USH2A: variants seen among roughly 807,000 people sequenced by gnomAD.
The protein encoded by USH2A is Usher syndrome 2A (autosomal recessive, mild).
A neutral mutation model predicts 538.9 loss-of-function variants in USH2A; 443 were observed. The observed-to-expected ratio is 0.82, with a 90% CI of 0.76 to 0.89. USH2A has a LOEUF of 0.89. Ranked by LOEUF, USH2A falls within the 40% of genes least tolerant of loss-of-function variation. The pLI is 0.00. For missense variants in USH2A, 6,633 were observed against 6,324.8 expected, an observed-to-expected ratio of 1.05 and a Z score of -1.65; for synonymous variants, 2,413 against 2,273.5, an observed-to-expected ratio of 1.06 and a Z score of -1.75.
intron 3 of USH2A, among the ~76,000 whole-genome samples, chr1:216,414,513 A>T (rs935878214): frequency 1.1e-4 from 17 of 151,874 alleles, no homozygotes; most frequent in East Asian, 3.9e-4. Context: ...ATTTAAAATA[A>T]TTTTTTTTCT....
intron 11 of USH2A, among the ~76,000 whole-genome samples, chr1:216,270,702 T>C (rs536727552): frequency 7.9e-4 from 87 of 109,636 alleles, no homozygotes; most frequent in African/African-American, 2.4e-3. Flanking sequence ...TAATTTTCAT[T>C]CATTCCAATT....
chr1:215,749,823 C>G (rs1660573513), intron 58 of USH2A, among the ~76,000 whole-genome samples: 2 of 152,126 alleles, frequency 1.3e-5, no homozygotes, highest in South Asian at 4.1e-4. Flanking sequence ...TTTTCTTGTT[C>G]ACTAAAGAAC....
intron 50 of USH2A, 133 bp downstream of exon 50, chr1:215,798,774 G>T: frequency 9.8e-7 from 1 of 1,017,294 alleles, no homozygotes; most frequent in Non-Finnish European, 1.5e-6. Flanking sequence ...TAAACAATAT[G>T]TTCCTAATTA....
chr1:216,398,088 C>A (rs760268787), intron 3 of USH2A, among the ~76,000 whole-genome samples: 5 of 152,136 alleles, frequency 3.3e-5, no homozygotes, highest in Non-Finnish European at 7.3e-5. Flanking sequence ...ACAATTTTAG[C>A]CAATATACTT....
At chr1:216,404,768 A>C (rs2102765077) in intron 3 of USH2A, among the ~76,000 whole-genome samples, 1 of 151,824 alleles carries the variant, frequency 6.6e-6, no homozygotes, top group East Asian at 1.9e-4. Context: ...CTACAGGTGC[A>C]CTCCACTATG....
At chr1:215,751,018 T>C (rs1019586393) in intron 58 of USH2A, among the ~76,000 whole-genome samples, 1 of 152,146 alleles carries the variant, frequency 6.6e-6, no homozygotes, top group Non-Finnish European at 1.5e-5. Flanking sequence ...TCCTTGTCAT[T>C]TGGTTATTGC....
chr1:215,783,026 TAAAA>T, intron 52 of USH2A, 91 bp from the exon 53 acceptor site: 8 of 1,238,442 alleles, frequency 6.5e-6, no homozygotes, highest in Non-Finnish European at 9.0e-6. Context: ...TTTAGACATT[TAAAA>T]ATAAATGTTT....
intron 37 of USH2A, among the ~76,000 whole-genome samples, chr1:215,949,059 T>G (rs1666845295): frequency 6.6e-6 from 1 of 152,142 alleles, no homozygotes; most frequent in Non-Finnish European, 1.5e-5. Flanking sequence ...CTGTGTATTT[T>G]CTGTCTTCCT....
At chr1:215,844,598 G>T in intron 45 of USH2A, 102 bp from the exon 46 acceptor site, 3 of 1,208,282 alleles carry the variant, frequency 2.5e-6, no homozygotes, top group Admixed American at 1.9e-5. Context: ...AGGGTTCCTC[G>T]CTTATCTGCT....
intron 6 of USH2A, among the ~76,000 whole-genome samples, chr1:216,324,704 A>G (rs1246110403): frequency 1.3e-5 from 2 of 152,196 alleles, no homozygotes; most frequent in Non-Finnish European, 2.9e-5. Context: ...ATTATTTTCA[A>G]CATTTCATAA....
chr1:215,934,886 C>A lies in USH2A; in HGVS notation c.7121-91G>T, dbSNP rs188408090. The A allele has an allele frequency of 2.2e-4, 275 of 1,257,926 alleles. No homozygotes were observed. The African/African-American group carries it at 3.7e-3, about 17-fold the overall frequency. The allele number at this position is 1,257,926 out of a possible 1,614,324, so 77.9% of individuals were successfully genotyped here. On this transcript the variant is annotated intron_variant, in intron 37 of 71. Coordinates refer to ENST00000307340, the MANE Select transcript of USH2A (RefSeq NM_206933.4). The stretch of plus-strand genomic sequence containing the variant: ...GTATTTTCTTGAGTTTCTAAATATA[C>A]TGTACCAAATAGGTCTGTAACTTTA...
At chr1:215,685,419 G>T (rs192207120) in intron 61 of USH2A, among the ~76,000 whole-genome samples, 2 of 150,444 alleles carry the variant, frequency 1.3e-5, no homozygotes, top group South Asian at 2.1e-4. Context: ...GTACAATGGC[G>T]CAATCTCAGC....
chr1:216,329,972 A>T (rs1173689489), intron 4 of USH2A, among the ~76,000 whole-genome samples: 3 of 152,140 alleles, frequency 2.0e-5, no homozygotes, highest in Non-Finnish European at 2.9e-5. Context: ...AATATTTTAT[A>T]TAACCTCTAG....
intron 9 of USH2A, among the ~76,000 whole-genome samples, chr1:216,306,883 A>G (rs1013906119): frequency 6.6e-6 from 1 of 152,194 alleles, no homozygotes; most frequent in Non-Finnish European, 1.5e-5. Flanking sequence ...TGATATGATC[A>G]GTCTTCAGGT....
chr1:216,110,702 G>A (rs1167954821), intron 21 of USH2A, among the ~76,000 whole-genome samples: 1 of 152,158 alleles, frequency 6.6e-6, no homozygotes, highest in Non-Finnish European at 1.5e-5. Context: ...GATTAATTTT[G>A]TTGAAATGAG....
intron 26 of USH2A, 108 bp downstream of exon 26, chr1:216,083,348 T>G: frequency 3.2e-6 from 4 of 1,267,866 alleles, no homozygotes; most frequent in Non-Finnish European, 4.4e-6. Flanking sequence ...TGAACAAATG[T>G]GAATTTGTAA....
At chr1:215,705,183 A>G (rs1454767382) in intron 61 of USH2A, among the ~76,000 whole-genome samples, 2 of 152,260 alleles carry the variant, frequency 1.3e-5, no homozygotes, top group African/African-American at 4.8e-5. Context: ...TGCTAATTCA[A>G]CAAGAACACA....
intron 32 of USH2A, among the ~76,000 whole-genome samples, chr1:216,040,049 A>G (rs2030198192): frequency 1.0e-4 from 1 of 9,766 alleles, no homozygotes; most frequent in Non-Finnish European, 2.2e-4. Context: ...TCTCTCAATT[A>G]CACACACACA....
intron 38 of USH2A, among the ~76,000 whole-genome samples, chr1:215,907,758 A>G (rs1395495857): frequency 6.6e-6 from 1 of 152,028 alleles, no homozygotes; most frequent in African/African-American, 2.4e-5. Flanking sequence ...AAAGGAGAAA[A>G]GTAATTAAAG....
Sources: gnomAD v4.1 joint callset for allele counts (sites outside exome capture counted in the v4.1 genomes callset) on GRCh38, gnomAD v4.1.1 for gene constraint, MANE v1.5 for transcripts, NCBI Gene and HGNC (gene_info 2026-07-23, HGNC 2026-07-21) for gene names.